CENPS: variants seen among roughly 807,000 people sequenced by gnomAD.
The protein encoded by CENPS is centromere protein S, also known as FANCM associated histone fold protein 1.
In CENPS, 16 loss-of-function variants were observed where a neutral mutation model predicts 17.9. The ratio of observed to expected loss-of-function variants is 0.90; its 90% CI spans 0.61 to 1.36. The LOEUF (loss-of-function observed/expected upper bound fraction) is 1.36, where lower values mean the gene tolerates loss of function less well. Among genes scored for constraint, CENPS ranks in the 40% most tolerant of loss-of-function variants. The probability of loss-of-function intolerance (pLI) is 0.00; values close to 1 mark genes in which losing one functional copy is unlikely to be tolerated. For synonymous variants in CENPS, 49 were observed against 55.8 expected, an observed-to-expected ratio of 0.88 and a Z score of 0.54; for missense variants, 160 against 158.6, an observed-to-expected ratio of 1.01 and a Z score of -0.05.
chr1:10,434,266 G>A (rs971005738), intron 2 of CENPS, among the ~76,000 whole-genome samples: 2 of 152,098 alleles, frequency 1.3e-5, no homozygotes, highest in African/African-American at 4.8e-5. Flanking sequence ...GCTTTATAAC[G>A]TTTTTATATC....
chr1:10,434,798 T>TGGGTTA, intron 3 of CENPS, 108 bp downstream of exon 3: 3 of 1,411,622 alleles, frequency 2.1e-6, no homozygotes, highest in Non-Finnish European at 2.8e-6. Flanking sequence ...TTTCCGTGTG[T>TGGGTTA]TTTGTGGAGG....
rs540290948 is a variant in CENPS, at chr1:10,440,421, A to T, written c.276+8A>T. ...AGGAGGAGTAATTCACTGGTGAGAG[A>T]TGAATTTCTTTCCTCACTCCCCTTT... is the stretch of plus-strand genomic sequence containing the variant. On this transcript the variant is annotated splice_region_variant and intron_variant, in intron 4 of 4. Coordinates refer to ENST00000309048, the MANE Select transcript of CENPS (RefSeq NM_199294.3). 4.3e-6 allele frequency: 7 copies of T among 1,613,792 alleles called. No homozygotes were observed. The African/African-American group carries it at 8.0e-5, about 18-fold the overall frequency.
intron 1 of CENPS, chr1:10,430,885 TC>T: frequency 2.3e-6 from 3 of 1,289,288 alleles, no homozygotes; most frequent in Non-Finnish European, 2.9e-6. Context: ...GATGGGGTTT[TC>T]GTGAGGGTAC....
rs375741629 is a variant in CENPS, at chr1:10,442,409, C to T, written c.*4C>T. The T allele has an allele frequency of 6.4e-7, 1 of 1,567,380 alleles. No homozygotes were observed. Among genetic ancestry groups the T allele is most frequent in the Non-Finnish European group, 8.6e-7 (1 of 1,165,692 alleles). ...AGTGGTGGAAAGTGAGAATTAAAGTCCCTCGCCGCTTGGAAAGTGCAGCCT... is the reference window on the plus strand; with the variant it reads ...AGTGGTGGAAAGTGAGAATTAAAGTTCCTCGCCGCTTGGAAAGTGCAGCCT... On this transcript the variant is annotated 3_prime_UTR_variant, in exon 5 of 5. Coordinates refer to ENST00000309048, the MANE Select transcript of CENPS (RefSeq NM_199294.3).
intron 1 of CENPS, among the ~76,000 whole-genome samples, chr1:10,431,994 T>C (rs1639941742): frequency 6.6e-6 from 1 of 152,178 alleles, no homozygotes; most frequent in East Asian, 1.9e-4. Context: ...AGATGTTTCT[T>C]TTAACTGTCT....
At position 10,435,063 on chromosome 1, in the gene CENPS, C is replaced by T. The variant is rs369580413; in HGVS notation, c.209+373C>T. Among the ~76,000 whole-genome samples, 42 of 152,246 alleles carry T rather than the reference C, an allele frequency of 2.8e-4. No homozygotes were observed. The East Asian group carries it at 5.4e-3, about 20-fold the overall frequency. ...GTGCCTGGGGGTGGCCGCCCCTCTG[C>T]GGAGGGAGCTGCAGCGTGTCCACGG... On this transcript the variant is annotated intron_variant, in intron 3 of 4. Transcript: ENST00000309048.
chr1:10,435,439 G>A (rs528003085), intron 3 of CENPS, among the ~76,000 whole-genome samples: 1 of 151,958 alleles, frequency 6.6e-6, no homozygotes, highest in South Asian at 2.1e-4. Flanking sequence ...ATGAATTAAA[G>A]CAGTGGGTTC....
In CENPS at chr1:10,430,571, A is replaced by G; in HGVS notation, c.51+3A>G. ...AGCAGCGATTCTCTTACCAACAGGTACAGGAAAACGGGGGTCGGGCTGGGC... is the reference window on the plus strand; with the variant it reads ...AGCAGCGATTCTCTTACCAACAGGTGCAGGAAAACGGGGGTCGGGCTGGGC... On this transcript the variant is annotated splice_donor_region_variant and intron_variant, in intron 1 of 4. Coordinates refer to ENST00000309048, the MANE Select transcript of CENPS (RefSeq NM_199294.3). 6.5e-7 allele frequency: 1 copy of G among 1,533,420 alleles called. No individual in the cohort carries two copies. 95.0% of individuals were successfully genotyped at this position (1,533,420 alleles called of 1,614,324 possible).
chr1:10,433,346 C>T (rs531103107), intron 1 of CENPS, among the ~76,000 whole-genome samples: 8 of 152,320 alleles, frequency 5.3e-5, no homozygotes, highest in South Asian at 2.1e-4. Flanking sequence ...GAGCCTTTCC[C>T]GTGTTGTACT....
rs772501815 is a variant in CENPS, at chr1:10,442,247, CAG to C, written c.277-16_277-15del. Reference sequence around the variant, plus strand: ...AAATGGTTACAGCCAGATATAAATACAGATTTTTTTTTTATAGCTAAAATACA... The same window carrying C: ...AAATGGTTACAGCCAGATATAAATACATTTTTTTTTTATAGCTAAAATACA... On this transcript the variant is annotated splice_polypyrimidine_tract_variant and intron_variant, in intron 4 of 4. Coordinates refer to ENST00000309048, the MANE Select transcript of CENPS (RefSeq NM_199294.3). The C allele has an allele frequency of 4.1e-6, 6 of 1,461,950 alleles. No individual in the cohort carries two copies. The highest frequency in any genetic ancestry group is 2.6e-5 in the Admixed American group (1 of 38,122). The allele number at this position is 1,461,950 out of a possible 1,614,324, so 90.6% of individuals were successfully genotyped here. A position where few individuals can be genotyped will look rare whatever the true frequency, so the allele number is the denominator to read the frequency against.
intron 2 of CENPS, 24 bp from the exon 3 acceptor site, chr1:10,434,633 G>A: frequency 6.2e-7 from 1 of 1,603,756 alleles, no homozygotes; most frequent in Non-Finnish European, 8.5e-7. Flanking sequence ...TGCCTAAAGT[G>A]TGTATCTTTT....
intron 2 of CENPS, 141 bp downstream of exon 2, chr1:10,434,106 A>T (rs1640045574): frequency 6.8e-7 from 1 of 1,475,482 alleles, no homozygotes; most frequent in Non-Finnish European, 9.1e-7. Context: ...TTCGTGAAAC[A>T]CTTCTCTTCT....
intron 1 of CENPS, among the ~76,000 whole-genome samples, chr1:10,431,946 A>G (rs547672396): frequency 1.3e-5 from 2 of 151,428 alleles, no homozygotes; most frequent in African/African-American, 2.4e-5. Context: ...ATAAAACTCT[A>G]TTGAATGTGC....
intron 1 of CENPS, chr1:10,431,072 A>T (rs985077365): frequency 1.5e-6 from 2 of 1,372,656 alleles, no homozygotes; most frequent in African/African-American, 2.9e-5. Flanking sequence ...TGCCCCGCCA[A>T]CTTGTGATCG....
intron 3 of CENPS, among the ~76,000 whole-genome samples, chr1:10,439,532 G>A (rs934669421): frequency 2.0e-5 from 3 of 152,022 alleles, no homozygotes; most frequent in African/African-American, 4.8e-5. Context: ...ATGAGGTGAG[G>A]AGTTCAAGAC....
intron 1 of CENPS, 179 bp downstream of exon 1, chr1:10,430,747 A>C: frequency 8.5e-6 from 12 of 1,403,962 alleles, no homozygotes; most frequent in Non-Finnish European, 1.1e-5. Context: ...TTTCCGCGGC[A>C]ACGCGGCTGG....
At chr1:10,435,830 T>C (rs545480462) in intron 3 of CENPS, among the ~76,000 whole-genome samples, 49 of 152,110 alleles carry the variant, frequency 3.2e-4, no homozygotes, top group African/African-American at 1.2e-3. Flanking sequence ...TGCCTTGGGC[T>C]CCCAAAGTGC....
At chr1:10,431,356 T>G (rs959867618) in intron 1 of CENPS, 1 of 1,535,230 alleles carries the variant, frequency 6.5e-7, no homozygotes, top group African/African-American at 1.4e-5. Flanking sequence ...ACCCTGCCCC[T>G]TGTCTTTTGA....
chr1:10,440,642 C>T (rs1461786321), intron 4 of CENPS, among the ~76,000 whole-genome samples: 1 of 152,144 alleles, frequency 6.6e-6, no homozygotes, highest in Non-Finnish European at 1.5e-5. Flanking sequence ...TACAATTTGC[C>T]TGTTTTTGTA....
Sources: allele counts gnomAD v4.1 joint callset (sites outside exome capture counted in the v4.1 genomes callset), GRCh38; gene constraint gnomAD v4.1.1; transcripts MANE v1.5; gene names NCBI Gene and HGNC (gene_info 2026-07-23, HGNC 2026-07-21).